The following PALM2AKAP2 variants were observed in gnomAD, a reference collection of about 807,000 sequenced individuals.
PALM2AKAP2 encodes the protein PALM2-AKAP2 fusion protein.
In PALM2AKAP2, 37 loss-of-function variants were observed where a neutral mutation model predicts 71.5. The ratio of observed to expected loss-of-function variants is 0.52; its 90% CI spans 0.40 to 0.68. The LOEUF (loss-of-function observed/expected upper bound fraction) is 0.68, where lower values mean the gene tolerates loss of function less well. Among genes scored for constraint, PALM2AKAP2 ranks in the 30% least tolerant of loss-of-function variants. The pLI is 0.00. For missense variants in PALM2AKAP2, 1,224 were observed against 1,191.8 expected, an observed-to-expected ratio of 1.03 and a Z score of -0.40; for synonymous variants, 468 against 478.8, an observed-to-expected ratio of 0.98 and a Z score of 0.29.
intron 6 of PALM2AKAP2, among the ~76,000 whole-genome samples, chr9:110,014,917 A>G (rs1259350751): frequency 6.9e-6 from 1 of 144,498 alleles, no homozygotes; most frequent in Admixed American, 7.2e-5. Flanking sequence ...TTTTAACTCT[A>G]TTCACGTACA....
chr9:110,018,959 C>T (rs146213481), intron 7 of PALM2AKAP2, among the ~76,000 whole-genome samples: 3 of 152,084 alleles, frequency 2.0e-5, no homozygotes, highest in Non-Finnish European at 2.9e-5. Context: ...TACCATCTCA[C>T]GACTGGGCAT....
In PALM2AKAP2 at chr9:109,851,994, A is replaced by G. The variant is rs114843598; in HGVS notation, c.46-15497A>G. 5.5e-3 allele frequency among the ~76,000 whole-genome samples: 841 copies of G among 152,270 alleles called. 7 individuals are homozygous for G. Among genetic ancestry groups the G allele is most frequent in the African/African-American group, 0.019 (803 of 41,552 alleles). ...CAACATGGAAACCACTGAAGTCAAG[A>G]CTTAATCCTACCTGGTTCCCCATCA... On this transcript the variant is annotated intron_variant, in intron 1 of 9. Coordinates refer to the PALM2AKAP2 transcript ENST00000302798.
chr9:110,144,710 A>G lies in PALM2AKAP2; in HGVS notation c.2569+6171A>G, dbSNP rs117428968. The stretch of plus-strand genomic sequence containing the variant: ...AAACTTGAGAAGAAGAATTAGTTAC[A>G]TTAAGTGGGTAAAGACTAGGAGACC... On this transcript the variant is annotated intron_variant, in intron 2 of 3. Coordinates refer to ENST00000374525, the Ensembl canonical transcript of PALM2AKAP2. Among the ~76,000 whole-genome samples the G allele has an allele frequency of 1.8e-3, 281 of 152,356 alleles. 1 individual carries two copies. The highest frequency in any genetic ancestry group is 0.014 in the Middle Eastern group (4 of 294).
At position 110,135,996 on chromosome 9, in the gene PALM2AKAP2, ATATC is replaced by A; in HGVS notation, c.157-127_157-124del. On this transcript the variant is annotated intron_variant, in intron 1 of 3. Coordinates refer to ENST00000374525, the Ensembl canonical transcript of PALM2AKAP2. ...TGAACATTTAAGGGATTATTAGAAA[ATATC>A]TATTCAAAAGAATTTGTCACTGTGG... is the stretch of plus-strand genomic sequence containing the variant. 3.4e-6 allele frequency: 4 copies of A among 1,172,744 alleles called. No homozygotes were observed. In the South Asian group the frequency reaches 7.5e-5, roughly 22 times the overall value. The allele number at this position is 1,172,744 out of a possible 1,614,324, so 72.6% of individuals were successfully genotyped here. A position where few individuals can be genotyped will look rare whatever the true frequency, so the allele number is the denominator to read the frequency against.
chr9:109,780,367 C>A, upstream of PALM2AKAP2: 1 of 1,585,608 alleles, frequency 6.3e-7, no homozygotes, highest in Non-Finnish European at 8.6e-7. Flanking sequence ...GGATCCCCAG[C>A]CGTCCCTGGG....
chr9:109,661,108 T>C (rs530609394), intron 1 of PALM2AKAP2, among the ~76,000 whole-genome samples: 1 of 152,240 alleles, frequency 6.6e-6, no homozygotes, highest in Non-Finnish European at 1.5e-5. Flanking sequence ...TCCCATTCTG[T>C]AGGTTGCCTG....
intron 1 of PALM2AKAP2, among the ~76,000 whole-genome samples, chr9:110,060,904 T>C (rs1247859998): frequency 6.6e-6 from 1 of 152,206 alleles, no homozygotes; most frequent in Non-Finnish European, 1.5e-5. Context: ...AAATATTAAG[T>C]TAAGCTTACA....
At chr9:110,034,038 G>A (rs760042380) in intron 7 of PALM2AKAP2, among the ~76,000 whole-genome samples, 1 of 152,180 alleles carries the variant, frequency 6.6e-6, no homozygotes, top group Non-Finnish European at 1.5e-5. Context: ...GGAAGAATGA[G>A]GATTCTGCCT....
intron 1 of PALM2AKAP2, among the ~76,000 whole-genome samples, chr9:110,135,164 A>AAAAAATATAT: frequency 1.2e-4 from 6 of 51,734 alleles, no homozygotes; most frequent in Admixed American, 4.2e-4. Context: ...AAAAAAAAAA[A>AAAAAATATAT]ATATATAAAT....
intron 1 of PALM2AKAP2, among the ~76,000 whole-genome samples, chr9:109,803,012 A>G (rs1257633728): frequency 6.6e-6 from 1 of 152,210 alleles, no homozygotes; most frequent in Non-Finnish European, 1.5e-5. Flanking sequence ...GATGCTTGCT[A>G]GTTCCAGAAT....
intron 1 of PALM2AKAP2, among the ~76,000 whole-genome samples, chr9:109,728,620 G>C (rs986485297): frequency 5.3e-5 from 8 of 152,104 alleles, no homozygotes; most frequent in African/African-American, 1.9e-4. Context: ...ATGTACTCTC[G>C]AGAATTTTAC....
exon 1 of PALM2AKAP2, chr9:109,640,838 C>G: frequency 6.6e-7 from 1 of 1,517,020 alleles, no homozygotes; most frequent in Non-Finnish European, 8.8e-7. Context: ...CCCGCAGCAG[C>G]GCACCCGGCC....
intron 2 of PALM2AKAP2, among the ~76,000 whole-genome samples, chr9:109,875,304 G>T (rs1367969067): frequency 6.6e-6 from 1 of 152,112 alleles, no homozygotes; most frequent in Non-Finnish European, 1.5e-5. Flanking sequence ...TCCTCCCCTG[G>T]TCCCTCTTTG....
At chr9:109,826,568 A>G (rs1202508233) in intron 1 of PALM2AKAP2, among the ~76,000 whole-genome samples, 1 of 152,214 alleles carries the variant, frequency 6.6e-6, no homozygotes, top group African/African-American at 2.4e-5. Flanking sequence ...ACTGTAAAAT[A>G]CATTTTTGAT....
chr9:109,848,689 C>A (rs981842771), intron 1 of PALM2AKAP2, among the ~76,000 whole-genome samples: 23 of 151,826 alleles, frequency 1.5e-4, no homozygotes, highest in African/African-American at 5.6e-4. Context: ...CACCTGTAAT[C>A]CCAGCACTTT....
At chr9:109,644,401 A>G (rs1388983888) in intron 1 of PALM2AKAP2, among the ~76,000 whole-genome samples, 1 of 152,196 alleles carries the variant, frequency 6.6e-6, no homozygotes, top group African/African-American at 2.4e-5. Flanking sequence ...ACTTATATTT[A>G]TAAACATTTA....
chr9:109,774,505 G>C (rs1829321601), intron 1 of PALM2AKAP2, among the ~76,000 whole-genome samples: 2 of 152,150 alleles, frequency 1.3e-5, no homozygotes, highest in African/African-American at 4.8e-5. Context: ...CACACTAAAA[G>C]ATAAGACTGT....
At chr9:109,835,516 T>C (rs182828359) in intron 1 of PALM2AKAP2, among the ~76,000 whole-genome samples, 102 of 152,220 alleles carry the variant, frequency 6.7e-4, no homozygotes, top group Middle Eastern at 3.4e-3. Flanking sequence ...TCATTGGGGC[T>C]TGTCGGACAG....
chr9:110,004,759 G>C (rs1403998455), intron 6 of PALM2AKAP2, among the ~76,000 whole-genome samples: 4 of 151,924 alleles, frequency 2.6e-5, no homozygotes, highest in Admixed American at 1.3e-4. Flanking sequence ...AACTTCTCTT[G>C]TCACTTCATT....
Sources: gnomAD v4.1 joint callset for allele counts (sites outside exome capture counted in the v4.1 genomes callset) on GRCh38, gnomAD v4.1.1 for gene constraint, MANE v1.5 for transcripts, NCBI Gene and HGNC (gene_info 2026-07-23, HGNC 2026-07-21) for gene names.